The following PDZRN4 variants were observed in gnomAD, a reference collection of about 807,000 sequenced individuals.
PDZRN4 encodes PDZ domain containing ring finger 4.
PDZRN4 carries 70 observed loss-of-function variants against 99.0 expected under a neutral mutation model. The observed-to-expected ratio is 0.71, with a 90% CI of 0.58 to 0.86. The LOEUF is 0.86. Ranked by LOEUF, PDZRN4 falls within the 40% of genes least tolerant of loss-of-function variation. The pLI is 0.00. For missense variants in PDZRN4, 1,474 were observed against 1,331.2 expected (o/e 1.11, Z -1.67); for synonymous variants, 551 against 501.6 (o/e 1.10, Z -1.32).
intron 3 of PDZRN4, among the ~76,000 whole-genome samples, chr12:41,317,234 TCA>T (rs1951645306): frequency 9.5e-6 from 1 of 105,002 alleles, no homozygotes; most frequent in African/African-American, 2.7e-5. Context: ...AGGAATGGAC[TCA>T]CATGGTTGTG....
chr12:41,475,269 G>A (rs1309293885), intron 3 of PDZRN4, among the ~76,000 whole-genome samples: 1 of 152,122 alleles, frequency 6.6e-6, no homozygotes, highest in East Asian at 1.9e-4. Context: ...GTAGAAAAAT[G>A]AGGACCAGGT....
chr12:41,499,830 C>A (rs1263795401), intron 3 of PDZRN4, among the ~76,000 whole-genome samples: 1 of 152,016 alleles, frequency 6.6e-6, no homozygotes, highest in African/African-American at 2.4e-5. Flanking sequence ...ACTATTGTGA[C>A]CTCAGTGTCA....
intron 3 of PDZRN4, among the ~76,000 whole-genome samples, chr12:41,455,277 C>G (rs1315093151): frequency 6.6e-6 from 1 of 152,090 alleles, no homozygotes; most frequent in Non-Finnish European, 1.5e-5. Flanking sequence ...AAAGAGGAGG[C>G]TTAGAAACTA....
intron 5 of PDZRN4, among the ~76,000 whole-genome samples, chr12:41,544,648 A>G (rs1365529014): frequency 6.6e-6 from 1 of 152,234 alleles, no homozygotes; most frequent in African/African-American, 2.4e-5. Flanking sequence ...TGAAATACAA[A>G]TTTTCTAATT....
chr12:41,217,702 CCTT>C (rs1296590071), intron 3 of PDZRN4, among the ~76,000 whole-genome samples: 31 of 152,038 alleles, frequency 2.0e-4, no homozygotes, highest in African/African-American at 7.5e-4. Flanking sequence ...AGCCTCCTCT[CCTT>C]CTTCTTGCTT....
In PDZRN4 at chr12:41,552,776, A is replaced by T. The variant is rs1030902329; in HGVS notation, c.1302+22A>T. 1.9e-6 allele frequency: 3 copies of T among 1,564,316 alleles called. No individual in the cohort carries two copies. The African/African-American group carries it at 4.1e-5, about 21-fold the overall frequency. ...CGAGGTAAGAAACGCCATGGAGGGG[A>T]AATTCGAGGAGGGAGACTAGGAAGA... On this transcript the variant is annotated intron_variant, in intron 6 of 9. Transcript: ENST00000402685.
chr12:41,306,584 T>C (rs890024139), intron 3 of PDZRN4, among the ~76,000 whole-genome samples: 37 of 152,198 alleles, frequency 2.4e-4, no homozygotes, highest in African/African-American at 8.7e-4. Context: ...GTCACAACCT[T>C]ACTGTTCTTT....
chr12:41,390,562 C>CCAAAAAAA (rs1555138905), intron 3 of PDZRN4, among the ~76,000 whole-genome samples: 2 of 101,352 alleles, frequency 2.0e-5, no homozygotes, highest in African/African-American at 7.3e-5. Context: ...AACTCCTAAG[C>CCAAAAAAA]AAAAAAAAAA....
At chr12:41,193,246 A>G (rs146786549) in intron 2 of PDZRN4, among the ~76,000 whole-genome samples, 1,574 of 152,342 alleles carry the variant, frequency 0.01, 76 homozygotes, top group Admixed American at 0.091. Context: ...TTTGACATTT[A>G]GATGACATCG....
intron 3 of PDZRN4, among the ~76,000 whole-genome samples, chr12:41,448,333 A>C (rs1952746658): frequency 6.6e-6 from 1 of 151,768 alleles, no homozygotes; most frequent in Admixed American, 6.6e-5. Context: ...TGCCTTTCCC[A>C]CCTCTCCTTC....
Position 41,572,643 on chromosome 12 carries a change from G to A in PDZRN4, c.1864G>A (p.Glu622Lys), listed in dbSNP as rs547346460. The change falls in exon 10 of 10, where the codon GAG becomes AAG. Residue 622 changes from glutamate to lysine, a missense_variant. Transcript: ENST00000402685. ...CTCAGACTGCATTGGCAACCCAGATGAGGACTGTGAAAGATTCAGGCAGCT... is the reference window on the plus strand; with the variant it reads ...CTCAGACTGCATTGGCAACCCAGATAAGGACTGTGAAAGATTCAGGCAGCT... ...IDSDCIGNPDEDCERFRQLLE... is the reference protein window; with the variant it reads ...IDSDCIGNPDKDCERFRQLLE... 8.1e-6 allele frequency: 13 copies of A among 1,614,170 alleles called. No homozygotes were observed. The Admixed American group carries it at 1.7e-4, about 21-fold the overall frequency.
chr12:41,516,319 A>G (rs1938400243), intron 5 of PDZRN4, among the ~76,000 whole-genome samples: 1 of 152,078 alleles, frequency 6.6e-6, no homozygotes, highest in Admixed American at 6.6e-5. Context: ...AGGGCCCAGC[A>G]CATGCCCTGG....
intron 3 of PDZRN4, among the ~76,000 whole-genome samples, chr12:41,213,043 T>G (rs1352879784): frequency 2.0e-5 from 3 of 152,034 alleles, no homozygotes; most frequent in Admixed American, 2.0e-4. Flanking sequence ...GCCTTGTTGA[T>G]CTGGCAAAAT....
intron 3 of PDZRN4, among the ~76,000 whole-genome samples, chr12:41,336,773 A>C (rs901211261): frequency 2.0e-5 from 3 of 151,918 alleles, no homozygotes; most frequent in Non-Finnish European, 2.9e-5. Context: ...TGAAGATGGA[A>C]TCATGGGGGT....
At chr12:41,493,551 A>T (rs1316748336) in intron 3 of PDZRN4, among the ~76,000 whole-genome samples, 6 of 152,132 alleles carry the variant, frequency 3.9e-5, no homozygotes, top group Non-Finnish European at 4.4e-5. Context: ...CATGTAAAAC[A>T]TGGTTTTCAG....
In PDZRN4 at chr12:41,573,519, C is replaced by T; in HGVS notation, c.2740C>T (p.Arg914Cys). 6.2e-7 allele frequency: 1 copy of T among 1,613,922 alleles called. No homozygotes were observed. Among genetic ancestry groups the T allele is most frequent in the Non-Finnish European group, 8.5e-7 (1 of 1,179,992 alleles). Reference protein sequence around the residue: ...RPVRDRILKERALKIKEERSG... With the variant: ...RPVRDRILKECALKIKEERSG... The stretch of plus-strand genomic sequence containing the variant: ...CGTGCGAGACCGAATCCTGAAGGAA[C>T]GTGCCTTAAAGATCAAGGAAGAGCG... The change falls in exon 10 of 10, where the codon CGT becomes TGT. Residue 914 changes from arginine to cysteine, a missense_variant. Transcript: ENST00000402685.
At chr12:41,268,637 C>T (rs1951295210) in intron 3 of PDZRN4, among the ~76,000 whole-genome samples, 1 of 152,098 alleles carries the variant, frequency 6.6e-6, no homozygotes. Context: ...ATTTTAGAAA[C>T]TTAAAGAGAA....
intron 3 of PDZRN4, among the ~76,000 whole-genome samples, chr12:41,465,093 G>C (rs182289536): frequency 1.3e-5 from 2 of 152,196 alleles, no homozygotes; most frequent in East Asian, 3.9e-4. Context: ...CCAAAGTATT[G>C]GGATTACAGG....
At chr12:41,220,702 G>A (rs1235617914) in intron 3 of PDZRN4, among the ~76,000 whole-genome samples, 3 of 152,158 alleles carry the variant, frequency 2.0e-5, no homozygotes, top group Non-Finnish European at 4.4e-5. Context: ...GCCCTAAAAG[G>A]CTAAGTAAGT....
Sources: gnomAD v4.1 joint callset for allele counts (sites outside exome capture counted in the v4.1 genomes callset) on GRCh38, gnomAD v4.1.1 for gene constraint, MANE v1.5 for transcripts, NCBI Gene and HGNC (gene_info 2026-07-23, HGNC 2026-07-21) for gene names.